The following TSHZ2 variants were observed in gnomAD, a reference collection of about 807,000 sequenced individuals.
The protein encoded by TSHZ2 is teashirt homolog 2.
Under a neutral mutation model 74.4 loss-of-function variants are expected in TSHZ2, and 21 were observed. That is an observed-to-expected ratio of 0.28 (90% CI 0.20 to 0.41). The LOEUF (loss-of-function observed/expected upper bound fraction) is 0.41. Ranked by LOEUF, TSHZ2 falls within the 10% of genes least tolerant of loss-of-function variation. TSHZ2 has a pLI of 1.00. For synonymous variants in TSHZ2, 540 were observed against 515.3 expected, an observed-to-expected ratio of 1.05 and a Z score of -0.65; for missense variants, 1,244 against 1,293.5, an observed-to-expected ratio of 0.96 and a Z score of 0.59.
chr20:53,292,450 T>A (rs1342725724), intron 2 of TSHZ2, among the ~76,000 whole-genome samples: 175 of 54,082 alleles, frequency 3.2e-3, no homozygotes, highest in African/African-American at 0.021. Context: ...ACCACCTATT[T>A]TTTTTTTTTT....
intron 1 of TSHZ2, among the ~76,000 whole-genome samples, chr20:53,002,444 C>T (rs1982475702): frequency 6.6e-6 from 1 of 151,960 alleles, no homozygotes. Flanking sequence ...AACAAATAAG[C>T]TGGCATGATT....
intron 1 of TSHZ2, among the ~76,000 whole-genome samples, chr20:53,250,931 A>G (rs894452052): frequency 3.8e-5 from 5 of 130,122 alleles, no homozygotes; most frequent in African/African-American, 2.9e-5. Flanking sequence ...GTGTGTGTGT[A>G]TGCACAGGTG....
chr20:53,378,315 G>A (rs1568891887), intron 2 of TSHZ2, among the ~76,000 whole-genome samples: 1 of 150,076 alleles, frequency 6.7e-6, no homozygotes, highest in Non-Finnish European at 1.5e-5. Flanking sequence ...ACTCCAGCCT[G>A]GGCGACAAAG....
At chr20:53,069,842 T>C (rs984753872) in intron 1 of TSHZ2, among the ~76,000 whole-genome samples, 3 of 151,856 alleles carry the variant, frequency 2.0e-5, no homozygotes, top group Non-Finnish European at 4.4e-5. Flanking sequence ...ATTGTCACCA[T>C]GTTAATAATG....
intron 2 of TSHZ2, among the ~76,000 whole-genome samples, chr20:53,427,291 T>C (rs766638402): frequency 1.3e-5 from 2 of 152,190 alleles, no homozygotes; most frequent in Non-Finnish European, 1.5e-5. Flanking sequence ...GATGAAGCAG[T>C]GAGCTGTGAA....
At chr20:53,340,426 C>T (rs974489492) in intron 2 of TSHZ2, among the ~76,000 whole-genome samples, 7 of 151,978 alleles carry the variant, frequency 4.6e-5, no homozygotes, top group Admixed American at 2.6e-4. Flanking sequence ...CCTCGTGATC[C>T]GCCTGCCTTG....
At chr20:53,185,604 A>G in intron 1 of TSHZ2, 4 of 1,533,426 alleles carry the variant, frequency 2.6e-6, no homozygotes, top group Non-Finnish European at 3.5e-6. Context: ...GGGGATACAG[A>G]GCAAGACTCC....
chr20:53,292,512 A>G (rs1350677260), intron 2 of TSHZ2, among the ~76,000 whole-genome samples: 1 of 150,962 alleles, frequency 6.6e-6, no homozygotes, highest in East Asian at 1.9e-4. Flanking sequence ...CAGTGGTGCA[A>G]TCATAGCTCA....
At chr20:53,355,198 A>G (rs1336749454) in intron 2 of TSHZ2, among the ~76,000 whole-genome samples, 2 of 152,224 alleles carry the variant, frequency 1.3e-5, no homozygotes, top group Non-Finnish European at 2.9e-5. Context: ...AGAAAAAATA[A>G]CTACAAATGA....
intron 2 of TSHZ2, among the ~76,000 whole-genome samples, chr20:53,441,258 TTATTTTA>T (rs1385423484): frequency 6.7e-6 from 1 of 149,576 alleles, no homozygotes; most frequent in African/African-American, 2.5e-5. Flanking sequence ...TTATTTTATT[TTATTTTA>T]TTTTATTTTA....
rs187443821 is a variant in TSHZ2, at chr20:53,206,348, G to A, written c.41-47151G>A. Among the ~76,000 whole-genome samples, 14 of 152,344 alleles carry A rather than the reference G, an allele frequency of 9.2e-5. No homozygotes were observed. The East Asian group carries it at 2.7e-3, about 29-fold the overall frequency. Reference sequence around the variant, plus strand: ...AGTCCCTGGCACAAAACAGGCCCCCGAGTACAGTAGCCATTATTACTAAAT... The same window carrying A: ...AGTCCCTGGCACAAAACAGGCCCCCAAGTACAGTAGCCATTATTACTAAAT... On this transcript the variant is annotated intron_variant, in intron 1 of 2. Transcript: ENST00000371497.
At chr20:53,197,208 G>A (rs887328963) in intron 1 of TSHZ2, among the ~76,000 whole-genome samples, 10 of 152,194 alleles carry the variant, frequency 6.6e-5, no homozygotes, top group African/African-American at 2.4e-4. Context: ...ATTTATTTAT[G>A]ATGTATTTAG....
rs930326171 is a variant in TSHZ2, at chr20:53,255,058, G to A, written c.1600G>A (p.Gly534Arg). ...VTTAINKAQN[G>R]APSWSAYPSI... Reference sequence around the variant, plus strand: ...CACAGCCATCAACAAAGCCCAAAACGGGGCCCCCAGCTGGAGTGCCTACCC... The same window carrying A: ...CACAGCCATCAACAAAGCCCAAAACAGGGCCCCCAGCTGGAGTGCCTACCC... Residue 534 changes from glycine to arginine, a missense_variant, in exon 2 of 3, where the codon GGG (glycine) becomes AGG (arginine). Transcript: ENST00000371497. This position sits in a 1 kb window ranked among gnomAD's most constrained non-coding sequence, Gnocchi z 4.1. The A allele has an allele frequency of 3.7e-6, 6 of 1,613,980 alleles. No homozygotes were observed. Among genetic ancestry groups the A allele is most frequent in the African/African-American group, 2.7e-5 (2 of 74,882 alleles).
intron 2 of TSHZ2, among the ~76,000 whole-genome samples, chr20:53,418,949 G>A (rs1983369895): frequency 6.6e-6 from 1 of 152,086 alleles, no homozygotes; most frequent in Non-Finnish European, 1.5e-5. Flanking sequence ...TAAACATCCG[G>A]GTTCATCCCT....
intron 2 of TSHZ2, among the ~76,000 whole-genome samples, chr20:53,341,604 C>G (rs1302621738): frequency 6.6e-6 from 1 of 151,964 alleles, no homozygotes; most frequent in Non-Finnish European, 1.5e-5. Context: ...GAATTACAGG[C>G]TTAAACCGCC....
chr20:53,110,806 C>T (rs567183472), intron 1 of TSHZ2, among the ~76,000 whole-genome samples: 7 of 150,462 alleles, frequency 4.7e-5, no homozygotes, highest in South Asian at 2.2e-4. Context: ...TGTGGGTTGG[C>T]GGTGCCACCG....
At chr20:53,445,321 C>G (rs1017648707) in intron 2 of TSHZ2, among the ~76,000 whole-genome samples, 2 of 152,192 alleles carry the variant, frequency 1.3e-5, no homozygotes, top group African/African-American at 4.8e-5. Context: ...AAAGTGCCTA[C>G]AGTGGACAGG....
intron 2 of TSHZ2, among the ~76,000 whole-genome samples, chr20:53,347,760 G>T (rs1980495079): frequency 6.6e-6 from 1 of 152,016 alleles, no homozygotes; most frequent in Non-Finnish European, 1.5e-5. Context: ...TAGGTATTAA[G>T]CCCAGAATCC....
rs544193424 is a variant in TSHZ2, at chr20:53,190,086, A to AATATATATATAT, written c.41-63372_41-63361dup. On this transcript the variant is annotated intron_variant, in intron 1 of 2. Transcript: ENST00000371497. The stretch of plus-strand genomic sequence containing the variant: ...GGTGACCAAACAAGACCCTGTCTCA[A>AATATATATATAT]ATATATATATATATATATATATATA... Among the ~76,000 whole-genome samples, 209 of 24,992 alleles carry AATATATATATAT rather than the reference A, an allele frequency of 8.4e-3. 3 individuals are homozygous for AATATATATATAT. Among genetic ancestry groups the AATATATATATAT allele is most frequent in the Non-Finnish European group, 0.013 (122 of 9,646 alleles). 16.4% of individuals were successfully genotyped at this position (24,992 alleles called of 152,430 possible).
Sources: gnomAD v4.1 joint callset for allele counts (sites outside exome capture counted in the v4.1 genomes callset) on GRCh38, gnomAD v4.1.1 for gene constraint, Gnocchi (gnomAD v3.1) non-coding constraint, MANE v1.5 for transcripts, NCBI Gene and HGNC (gene_info 2026-07-23, HGNC 2026-07-21) for gene names.